The following HPSE2 variants were observed in gnomAD, a reference collection of about 807,000 sequenced individuals.
HPSE2 encodes the protein inactive heparanase-2.
HPSE2 carries 38 observed loss-of-function variants against 60.5 expected under a neutral mutation model. The observed-to-expected ratio is 0.63, with a 90% CI of 0.48 to 0.82. The LOEUF (loss-of-function observed/expected upper bound fraction) is 0.82. Ranked by LOEUF, HPSE2 falls within the 40% of genes least tolerant of loss-of-function variation. HPSE2 has a pLI of 0.00. For missense variants in HPSE2, 713 were observed against 740.4 expected, an observed-to-expected ratio of 0.96 and a Z score of 0.43; for synonymous variants, 295 against 293.2, an observed-to-expected ratio of 1.01 and a Z score of -0.06.
At chr10:99,271,676 C>A in the HPSE2 span, among the ~76,000 whole-genome samples, 1 of 152,138 alleles carries the variant, frequency 6.6e-6, no homozygotes, top group South Asian at 2.1e-4. Flanking sequence ...AAAAAAGAGA[C>A]CACATAGCCA....
intron 3 of HPSE2, among the ~76,000 whole-genome samples, chr10:99,042,443 C>G (rs1481491890): frequency 6.6e-6 from 1 of 152,078 alleles, no homozygotes; most frequent in Non-Finnish European, 1.5e-5. Flanking sequence ...CTCTGCCATA[C>G]CAACCACTAC....
intron 9 of HPSE2, among the ~76,000 whole-genome samples, chr10:98,515,611 T>C (rs925408303): frequency 3.9e-5 from 6 of 152,202 alleles, no homozygotes; most frequent in African/African-American, 1.4e-4. Context: ...CTGAAGGATA[T>C]ACATATAAAT....
chr10:98,891,539 C>T (rs1042512888), intron 3 of HPSE2, among the ~76,000 whole-genome samples: 4 of 152,014 alleles, frequency 2.6e-5, no homozygotes, highest in Admixed American at 1.3e-4. Context: ...ACATGGAACT[C>T]GTGGAGTCAA....
intron 9 of HPSE2, among the ~76,000 whole-genome samples, chr10:98,564,588 C>T (rs916809023): frequency 4.6e-5 from 7 of 152,298 alleles, no homozygotes; most frequent in Non-Finnish European, 8.8e-5. Context: ...TCCACTAGTT[C>T]ACAGCACAAA....
intron 3 of HPSE2, among the ~76,000 whole-genome samples, chr10:98,848,900 T>C (rs903138032): frequency 1.3e-5 from 2 of 152,160 alleles, no homozygotes; most frequent in Admixed American, 1.3e-4. Context: ...CTCTTCCCAC[T>C]TTTTCATCTC....
chr10:98,713,197 A>G (rs1377881263), intron 5 of HPSE2, among the ~76,000 whole-genome samples: 3 of 152,032 alleles, frequency 2.0e-5, no homozygotes, highest in Non-Finnish European at 2.9e-5. Context: ...GAAGATCTGG[A>G]TAGAGGTCAG....
intron 3 of HPSE2, among the ~76,000 whole-genome samples, chr10:99,134,179 A>G (rs562743671): frequency 2.6e-5 from 4 of 152,298 alleles, no homozygotes; most frequent in African/African-American, 9.6e-5. Flanking sequence ...AAAAAAGAAT[A>G]AAAAGGAACA....
At chr10:98,610,923 A>G (rs1271977496) in intron 9 of HPSE2, among the ~76,000 whole-genome samples, 3 of 152,242 alleles carry the variant, frequency 2.0e-5, no homozygotes, top group Non-Finnish European at 2.9e-5. Flanking sequence ...AAAAGCAGCA[A>G]GCTAAATTCC....
At chr10:99,012,031 A>G (rs1589514277) in intron 3 of HPSE2, among the ~76,000 whole-genome samples, 1 of 151,948 alleles carries the variant, frequency 6.6e-6, no homozygotes, top group African/African-American at 2.4e-5. Context: ...TTCAGAAAAC[A>G]TACCTTACTT....
At chr10:99,005,925 T>A (rs1311656552) in intron 3 of HPSE2, among the ~76,000 whole-genome samples, 2 of 152,108 alleles carry the variant, frequency 1.3e-5, no homozygotes, top group Admixed American at 1.3e-4. Flanking sequence ...GCCTCGTAAC[T>A]GGGTCAGCAG....
At chr10:98,557,907 C>A (rs1944059366) in intron 9 of HPSE2, among the ~76,000 whole-genome samples, 1 of 151,974 alleles carries the variant, frequency 6.6e-6, no homozygotes, top group Non-Finnish European at 1.5e-5. Context: ...CGAGATCATG[C>A]CACTACATCT....
chr10:98,619,279 C>T, intron 8 of HPSE2, among the ~76,000 whole-genome samples: 1 of 152,188 alleles, frequency 6.6e-6, no homozygotes, highest in Non-Finnish European at 1.5e-5. Flanking sequence ...GGAGCAGGAA[C>T]AAGTCATTTA....
chr10:98,571,881 C>A (rs1589438013), intron 9 of HPSE2, among the ~76,000 whole-genome samples: 1 of 151,682 alleles, frequency 6.6e-6, no homozygotes, highest in East Asian at 1.9e-4. Flanking sequence ...AGATTTCTAT[C>A]TATCTATTCT....
intron 5 of HPSE2, among the ~76,000 whole-genome samples, chr10:98,697,975 C>T (rs1417857484): frequency 6.7e-6 from 1 of 149,466 alleles, no homozygotes; most frequent in Non-Finnish European, 1.5e-5. Flanking sequence ...TACAGGAGCA[C>T]CCAGATTCAT....
intron 9 of HPSE2, among the ~76,000 whole-genome samples, chr10:98,541,941 C>T (rs1943480014): frequency 6.6e-6 from 1 of 151,522 alleles, no homozygotes. Context: ...TTAAATGTCC[C>T]TGTCTGACAG....
intron 9 of HPSE2, among the ~76,000 whole-genome samples, chr10:98,614,054 C>T (rs556512232): frequency 6.6e-6 from 1 of 152,312 alleles, no homozygotes; most frequent in East Asian, 1.9e-4. Context: ...TAAATCCCCT[C>T]ATTGTCACAC....
chr10:98,979,527 A>T (rs1956161119), intron 3 of HPSE2, among the ~76,000 whole-genome samples: 1 of 152,218 alleles, frequency 6.6e-6, no homozygotes, highest in African/African-American at 2.4e-5. Flanking sequence ...CTTTATTATA[A>T]AGGAATACTG....
intron 3 of HPSE2, among the ~76,000 whole-genome samples, chr10:98,845,683 T>C (rs1177151361): frequency 6.6e-6 from 1 of 152,212 alleles, no homozygotes; most frequent in Non-Finnish European, 1.5e-5. Flanking sequence ...CTTATTACTT[T>C]CCAGTCACAC....
At chr10:98,990,908 C>T (rs185344186) in intron 3 of HPSE2, among the ~76,000 whole-genome samples, 1 of 152,252 alleles carries the variant, frequency 6.6e-6, no homozygotes, top group Non-Finnish European at 1.5e-5. Context: ...GAACTTTTCC[C>T]AGTATATTCT....
Sources: gnomAD v4.1 joint callset for allele counts (sites outside exome capture counted in the v4.1 genomes callset) on GRCh38, gnomAD v4.1.1 for gene constraint, MANE v1.5 for transcripts, NCBI Gene and HGNC (gene_info 2026-07-23, HGNC 2026-07-21) for gene names.